Variants in SHANK1 observed in about 807,000 individuals in gnomAD.
SHANK1 encodes SH3 and multiple ankyrin repeat domains protein 1.
A neutral mutation model predicts 165.6 loss-of-function variants in SHANK1; 35 were observed. That is an observed-to-expected ratio of 0.21 (90% CI 0.16 to 0.28). SHANK1 has a LOEUF of 0.28. Among genes scored for constraint, SHANK1 ranks in the 10% least tolerant of loss-of-function variants. SHANK1 has a pLI of 1.00. For synonymous variants in SHANK1, 1,428 were observed against 1,384.8 expected (o/e 1.03, Z -0.69); for missense variants, 2,681 against 3,036.4 (o/e 0.88, Z 2.75).
At chr19:50,696,752 G>A (rs1037402674) in intron 15 of SHANK1, among the ~76,000 whole-genome samples, 4 of 152,088 alleles carry the variant, frequency 2.6e-5, no homozygotes, top group African/African-American at 7.2e-5. Flanking sequence ...ACGGATGTGT[G>A]CAGAGACCCA....
In SHANK1 at chr19:50,661,503, A is replaced by C. The variant is rs1198086133; in HGVS notation, c.*462T>G. On this transcript the variant is annotated 3_prime_UTR_variant, in exon 24 of 24. Coordinates refer to ENST00000293441, the MANE Select transcript of SHANK1 (RefSeq NM_016148.5). Reference sequence around the variant, plus strand: ...GGGGGCAGCTGTGTGTGCTGGGGAGAGGGGAAGGGGGGAGAGCTGAGGGGC... The same window carrying C: ...GGGGGCAGCTGTGTGTGCTGGGGAGCGGGGAAGGGGGGAGAGCTGAGGGGC... Among the ~76,000 whole-genome samples the C allele has an allele frequency of 1.5e-5, 1 of 66,436 alleles. No individual in the cohort carries two copies. Among genetic ancestry groups the C allele is most frequent in the Non-Finnish European group, 3.0e-5 (1 of 33,368 alleles). The allele number at this position is 66,436 out of a possible 152,430, so 43.6% of individuals were successfully genotyped here. A position where few individuals can be genotyped will look rare whatever the true frequency, so the allele number is the denominator to read the frequency against.
At chr19:50,665,026 G>T (rs1985419984) in intron 23 of SHANK1, among the ~76,000 whole-genome samples, 1 of 152,092 alleles carries the variant, frequency 6.6e-6, no homozygotes, top group African/African-American at 2.4e-5. Context: ...CAAAGTGCTG[G>T]GATTACAGGC....
Position 50,697,877 on chromosome 19 carries a change from T to C in SHANK1, c.1827A>G (p.Glu609=), listed in dbSNP as rs1986792440. 11 of 1,613,988 alleles carry C rather than the reference T, an allele frequency of 6.8e-6. No homozygotes were observed. Among genetic ancestry groups the C allele is most frequent in the Non-Finnish European group, 9.3e-6 (11 of 1,180,012 alleles). ...TCTCCTGAGAGCGATTCGCCACTTCTTCCAGGCAGTCAGAGGGGAACCAGC... is the reference window on the plus strand; with the variant it reads ...TCTCCTGAGAGCGATTCGCCACTTCCTCCAGGCAGTCAGAGGGGAACCAGC... The part of the protein sequence containing the change: ...RVGWFPSDCL[E]EVANRSQESK... Residue 609 remains glutamate (E), a synonymous_variant, in exon 13 of 24, where the codon GAA becomes GAG. Coordinates refer to ENST00000293441, the MANE Select transcript of SHANK1 (RefSeq NM_016148.5). This position sits in a 1 kb window ranked among gnomAD's most constrained non-coding sequence, Gnocchi z 4.7.
rs2089087094 is a variant in SHANK1 at position 50,717,877 on chromosome 19, G to T, written c.-43-915C>A. ...AGGGAGGCTAAGAAGTGAGAGGAGG[G>T]TCTGGGGAACTGAGTGGGGGATCAT... On this transcript the variant is annotated intron_variant, in intron 1 of 23. Coordinates refer to ENST00000293441, the MANE Select transcript of SHANK1 (RefSeq NM_016148.5). The surrounding 1 kb of genome is among the most constrained non-coding windows in gnomAD (Gnocchi z 5.5). Among the ~76,000 whole-genome samples, 1 of 151,962 alleles carries T rather than the reference G, an allele frequency of 6.6e-6. No individual in the cohort carries two copies. Among genetic ancestry groups the T allele is most frequent in the African/African-American group, 2.4e-5 (1 of 41,338 alleles).
In SHANK1 at chr19:50,668,231, C is replaced by A; in HGVS notation, c.3729G>T (p.Glu1243Asp). ...GAALVGAARR[E>D]GGWQNEARRR... The stretch of plus-strand genomic sequence containing the variant: ...GGCGCGCCTCATTCTGCCAGCCCCC[C>A]TCCCTCCGGGCCGCCCCCACCAGGG... Residue 1243 changes from glutamate (E) to aspartate (D), a missense_variant, in exon 23 of 24, where the codon GAG (glutamate) becomes GAT (aspartate). Transcript: ENST00000293441. 6.7e-7 allele frequency: 1 copy of A among 1,483,000 alleles called. No homozygotes were observed. Among genetic ancestry groups the A allele is most frequent in the Non-Finnish European group, 8.8e-7 (1 of 1,130,572 alleles). 91.9% of individuals were successfully genotyped at this position (1,483,000 alleles called of 1,614,324 possible). A position where few individuals can be genotyped will look rare whatever the true frequency, so the allele number is the denominator to read the frequency against.
intron 8 of SHANK1, among the ~76,000 whole-genome samples, chr19:50,707,278 C>T (rs78855510): frequency 0.12 from 18,407 of 152,204 alleles, 1,454 homozygotes; most frequent in Admixed American, 0.27. Context: ...TAATGCTGGA[C>T]CCACAGGGAC....
chr19:50,709,804 GC>G lies in SHANK1; in HGVS notation c.1077+1566del, dbSNP rs1460147687. 3.3e-5 allele frequency among the ~76,000 whole-genome samples: 5 copies of G among 152,164 alleles called. No homozygotes were observed. The East Asian group carries it at 9.6e-4, about 29-fold the overall frequency. On this transcript the variant is annotated intron_variant, in intron 8 of 23. Coordinates refer to ENST00000293441, the MANE Select transcript of SHANK1 (RefSeq NM_016148.5). ...GGGCTCAAGCCATCCTCCTGCCTTA[GC>G]CTCCCAAAGTGTTGGGATTACAGGC...
chr19:50,713,750 A>G lies in SHANK1; in HGVS notation c.792+48T>C, dbSNP rs535634784. On this transcript the variant is annotated intron_variant, in intron 6 of 23. Transcript: ENST00000293441. The surrounding 1 kb of genome is among the most constrained non-coding windows in gnomAD (Gnocchi z 6.2). ...GAGGTTTGAGAAAGAACAAAGGGAA[A>G]AGGAGAGAGGGCCCCATGGCGGGGA... 6.2e-7 allele frequency: 1 copy of G among 1,606,134 alleles called. No homozygotes were observed. Among genetic ancestry groups the G allele is most frequent in the South Asian group, 1.1e-5 (1 of 90,800 alleles).
chr19:50,682,214 C>T (rs917693822), intron 21 of SHANK1, among the ~76,000 whole-genome samples: 2 of 151,978 alleles, frequency 1.3e-5, no homozygotes, highest in Admixed American at 1.3e-4. Flanking sequence ...CACCACCACG[C>T]CCAGCTAATT....
chr19:50,702,681 A>G lies in SHANK1; in HGVS notation c.1554-21T>C. 1 of 1,437,744 alleles carries G rather than the reference A, an allele frequency of 7.0e-7. No homozygotes were observed. Among genetic ancestry groups the G allele is most frequent in the Non-Finnish European group, 9.3e-7 (1 of 1,075,824 alleles). 89.1% of individuals were successfully genotyped at this position (1,437,744 alleles called of 1,614,324 possible). On this transcript the variant is annotated intron_variant, in intron 11 of 23. Coordinates refer to ENST00000293441, the MANE Select transcript of SHANK1 (RefSeq NM_016148.5). This position sits in a 1 kb window ranked among gnomAD's most constrained non-coding sequence, Gnocchi z 5.3. ...TGGAGCTGCGTACACAGAGGGCATGAGAGGAGGGGAGGGTGGAGGGAGGGG... is the reference window on the plus strand; with the variant it reads ...TGGAGCTGCGTACACAGAGGGCATGGGAGGAGGGGAGGGTGGAGGGAGGGG...
rs1398735910 is a variant in SHANK1, at chr19:50,719,474, ACC to A, written c.-114_-113del. The A allele has an allele frequency of 2.9e-5, 1 of 33,964 alleles. No individual in the cohort carries two copies. Among genetic ancestry groups the A allele is most frequent in the African/African-American group, 1.2e-4 (1 of 8,452 alleles). The allele number at this position is 33,964 out of a possible 1,614,324, so 2.1% of individuals were successfully genotyped here. On this transcript the variant is annotated 5_prime_UTR_variant, in exon 1 of 24. Transcript: ENST00000293441. ...CCCCTCCCCCCTCCCCCCACCCCCC[ACC>A]CCCCCGGAGACGGGGACCCTCAGGC... is the stretch of plus-strand genomic sequence containing the variant.
At chr19:50,675,847 C>CA (rs1568431185) in intron 21 of SHANK1, among the ~76,000 whole-genome samples, 1 of 151,954 alleles carries the variant, frequency 6.6e-6, no homozygotes, top group Non-Finnish European at 1.5e-5. Flanking sequence ...ACTAAAAATA[C>CA]AAAAAAATTA....
chr19:50,694,512 C>A (rs1599859881), intron 15 of SHANK1, among the ~76,000 whole-genome samples: 1 of 133,252 alleles, frequency 7.5e-6, no homozygotes, highest in Non-Finnish European at 1.6e-5. Context: ...GCGCTAAGGG[C>A]GGCAGAAAGG....
At chr19:50,689,308 G>C (rs762532113) in intron 15 of SHANK1, 29 bp from the exon 16 acceptor site, 1 of 1,459,558 alleles carries the variant, frequency 6.9e-7, no homozygotes, top group Non-Finnish European at 9.6e-7. Flanking sequence ...AAATGGGGGG[G>C]TGGTGGGGGG....
rs543180799 is a variant in SHANK1 at position 50,717,380 on chromosome 19, C to G, written c.-43-418G>C. ...CTGACAGGCATCCTGCCCTCCTGGC[C>G]CCAGCCTGGCCCCTCATCCCAGGGC... On this transcript the variant is annotated intron_variant, in intron 1 of 23. Coordinates refer to ENST00000293441, the MANE Select transcript of SHANK1 (RefSeq NM_016148.5). The surrounding 1 kb of genome is among the most constrained non-coding windows in gnomAD (Gnocchi z 5.5). Among the ~76,000 whole-genome samples the G allele has an allele frequency of 6.6e-6, 1 of 152,298 alleles. No homozygotes were observed. Among genetic ancestry groups the G allele is most frequent in the Non-Finnish European group, 1.5e-5 (1 of 68,020 alleles).
intron 19 of SHANK1, chr19:50,687,081 A>G (rs766817021): frequency 2.2e-6 from 3 of 1,373,940 alleles, no homozygotes; most frequent in South Asian, 3.6e-5. Context: ...AAGAGTTAGG[A>G]CGTCAGGGGA....
intron 12 of SHANK1, among the ~76,000 whole-genome samples, chr19:50,698,283 C>T (rs1466443846): frequency 3.3e-5 from 5 of 152,142 alleles, no homozygotes; most frequent in African/African-American, 1.2e-4. Flanking sequence ...TTCCCCTTCA[C>T]CCTCCTAGGC....
At chr19:50,699,511 C>A (rs1253853776) in intron 12 of SHANK1, among the ~76,000 whole-genome samples, 1 of 152,036 alleles carries the variant, frequency 6.6e-6, no homozygotes, top group African/African-American at 2.4e-5. Context: ...TAGGTTGAGA[C>A]CTGAAGGATC....
intron 8 of SHANK1, among the ~76,000 whole-genome samples, chr19:50,705,929 G>A (rs117310671): frequency 0.027 from 4,087 of 152,196 alleles, 76 homozygotes; most frequent in Admixed American, 0.039. Flanking sequence ...AGCCGAGGAG[G>A]GAGGATCGCT....
Sources: allele counts gnomAD v4.1 joint callset (sites outside exome capture counted in the v4.1 genomes callset), GRCh38; gene constraint gnomAD v4.1.1; non-coding constraint Gnocchi (gnomAD v3.1); transcripts MANE v1.5; gene names NCBI Gene and HGNC (gene_info 2026-07-23, HGNC 2026-07-21).